PTPN4: variants seen among roughly 807,000 people sequenced by gnomAD.
PTPN4 encodes the protein tyrosine-protein phosphatase non-receptor type 4.
In PTPN4, 49 loss-of-function variants were observed where a neutral mutation model predicts 135.5. That is an observed-to-expected ratio of 0.36 (90% CI 0.29 to 0.46). PTPN4 has a LOEUF of 0.46. Among genes scored for constraint, PTPN4 ranks in the 20% least tolerant of loss-of-function variants. The pLI, the probability that PTPN4 is intolerant of heterozygous loss-of-function variation, is 1.00. For missense variants in PTPN4, 860 were observed against 1,101.0 expected, an observed-to-expected ratio of 0.78 and a Z score of 3.10; for synonymous variants, 333 against 369.9, an observed-to-expected ratio of 0.90 and a Z score of 1.14.
At chr2:119,890,069 A>T (rs1004214520) in intron 9 of PTPN4, among the ~76,000 whole-genome samples, 2 of 151,636 alleles carry the variant, frequency 1.3e-5, no homozygotes, top group Non-Finnish European at 2.9e-5. Flanking sequence ...ATGTTTCTTT[A>T]TTTTTTTTCT....
chr2:119,877,352 G>A lies in PTPN4; in HGVS notation c.276G>A (p.Arg92=), dbSNP rs780727583. Residue 92 remains arginine, a synonymous_variant, in exon 4 of 27, where the codon AGG becomes AGA. Coordinates refer to ENST00000263708, the MANE Select transcript of PTPN4 (RefSeq NM_002830.4). ...GGCTGGATCCAAACAAACCAATAAG[G>A]AAGCAGCTAAAGAGTGAGCATACAT... ...PRWLDPNKPI[R]KQLKRGSPYS... 6 of 1,611,594 alleles carry A rather than the reference G, an allele frequency of 3.7e-6. No individual in the cohort carries two copies. Among genetic ancestry groups the A allele is most frequent in the Non-Finnish European group, 4.2e-6 (5 of 1,179,336 alleles).
Position 119,882,081 on chromosome 2 carries a change from TG to T in PTPN4, c.414-15del. 1 of 1,591,098 alleles carries T rather than the reference TG, an allele frequency of 6.3e-7. No individual in the cohort carries two copies. Among genetic ancestry groups the T allele is most frequent in the Non-Finnish European group, 8.6e-7 (1 of 1,159,418 alleles). On this transcript the variant is annotated splice_polypyrimidine_tract_variant and intron_variant, in intron 6 of 26. Transcript: ENST00000263708. ...TGTTTAACCTTCGGTTGTGTATTTTTGTTTTGTTTTATTAGATTACCCTGTC... is the reference window on the plus strand; with the variant it reads ...TGTTTAACCTTCGGTTGTGTATTTTTTTTTGTTTTATTAGATTACCCTGTC...
chr2:119,947,005 A>G (rs879866390), intron 18 of PTPN4, among the ~76,000 whole-genome samples: 11 of 152,176 alleles, frequency 7.2e-5, no homozygotes, highest in Admixed American at 2.0e-4. Flanking sequence ...ACTTTTTATT[A>G]TGAACATTCT....
chr2:119,933,697 A>G (rs906150495), intron 14 of PTPN4, among the ~76,000 whole-genome samples: 1 of 151,760 alleles, frequency 6.6e-6, no homozygotes, highest in Non-Finnish European at 1.5e-5. Flanking sequence ...CAGCTAGAGC[A>G]TTGAAGGCTA....
At position 119,885,829 on chromosome 2, in the gene PTPN4, C is replaced by T. The variant is rs764053345; in HGVS notation, c.622C>T (p.Leu208=). Residue 208 remains leucine, a synonymous_variant, in exon 9 of 27, where the codon CTA becomes TTA. Coordinates refer to ENST00000263708, the MANE Select transcript of PTPN4 (RefSeq NM_002830.4). ...LSPAEAEFNY[L]NTARTLELYG... ...TCCTGCAGAAGCAGAATTTAATTAC[C>T]TAAACACAGCACGTACCTTAGAACT... The T allele has an allele frequency of 6.2e-7, 1 of 1,603,912 alleles. No individual in the cohort carries two copies. The highest frequency in any genetic ancestry group is 2.3e-5 in the East Asian group (1 of 44,422).
chr2:119,942,240 C>G (rs1679070921), intron 15 of PTPN4, among the ~76,000 whole-genome samples: 1 of 152,110 alleles, frequency 6.6e-6, no homozygotes, highest in African/African-American at 2.4e-5. Context: ...GCAAAATGTA[C>G]CATAGAATCA....
At chr2:119,847,448 C>G (rs1333104152) in intron 2 of PTPN4, among the ~76,000 whole-genome samples, 1 of 151,560 alleles carries the variant, frequency 6.6e-6, no homozygotes, top group African/African-American at 2.4e-5. Context: ...CTGCCTCAGC[C>G]TCCTGAGTAG....
At chr2:119,790,797 T>A (rs1349701725) in intron 1 of PTPN4, among the ~76,000 whole-genome samples, 1 of 152,204 alleles carries the variant, frequency 6.6e-6, no homozygotes, top group Non-Finnish European at 1.5e-5. Context: ...TTGATATTTT[T>A]AAATTTGTCA....
chr2:119,880,809 A>G (rs1376832924), intron 5 of PTPN4, among the ~76,000 whole-genome samples: 1 of 152,100 alleles, frequency 6.6e-6, no homozygotes, highest in Admixed American at 6.5e-5. Context: ...ACAAGAAGTT[A>G]TATATGAAGC....
intron 25 of PTPN4, 28 bp from the exon 26 acceptor site, chr2:119,967,809 A>C: frequency 6.5e-7 from 1 of 1,549,396 alleles, no homozygotes; most frequent in Non-Finnish European, 8.8e-7. Context: ...AGTATCGGTA[A>C]GATCTTGCCT....
intron 23 of PTPN4, 67 bp downstream of exon 23, chr2:119,961,020 A>T: frequency 7.0e-7 from 1 of 1,435,458 alleles, no homozygotes; most frequent in South Asian, 1.5e-5. Flanking sequence ...ATATGTAGTC[A>T]AAATATTCAT....
At position 119,983,305 on chromosome 2, in the gene PTPN4, A is replaced by C. The variant is rs532120962; in HGVS notation, c.*6235A>C. 6.6e-6 allele frequency: 1 copy of C among 152,376 alleles called. No individual in the cohort carries two copies. The highest frequency in any genetic ancestry group is 2.4e-5 in the African/African-American group (1 of 41,602). The allele number at this position is 152,376 out of a possible 1,614,324, so 9.4% of individuals were successfully genotyped here. On this transcript the variant is annotated 3_prime_UTR_variant, in exon 27 of 27. Coordinates refer to ENST00000263708, the MANE Select transcript of PTPN4 (RefSeq NM_002830.4). ...CCCGCTCACACCCTTAGACCCAAAC[A>C]GGTGCTGGTTCATGCTTTCTCCACA...
At chr2:119,793,658 A>G (rs1013975168) in intron 1 of PTPN4, among the ~76,000 whole-genome samples, 8 of 152,138 alleles carry the variant, frequency 5.3e-5, no homozygotes, top group South Asian at 2.1e-4. Context: ...GTAAGAAATT[A>G]TAAAAGTATT....
chr2:119,968,201 A>G (rs1326687046), intron 26 of PTPN4, among the ~76,000 whole-genome samples: 2 of 152,162 alleles, frequency 1.3e-5, no homozygotes, highest in African/African-American at 4.8e-5. Context: ...TCATTTATCT[A>G]TGCCTGCTTT....
At chr2:119,811,531 G>A in intron 2 of PTPN4, among the ~76,000 whole-genome samples, 1 of 152,160 alleles carries the variant, frequency 6.6e-6, no homozygotes, top group Non-Finnish European at 1.5e-5. Flanking sequence ...AACATAAAGT[G>A]AAGAGAATTC....
chr2:119,965,352 C>G, intron 24 of PTPN4, 145 bp from the exon 25 acceptor site: 2 of 750,296 alleles, frequency 2.7e-6, no homozygotes, highest in South Asian at 2.1e-5. Flanking sequence ...GAGCAGCTGA[C>G]CTAGTGATCA....
chr2:119,892,817 G>A (rs758909777), intron 9 of PTPN4, among the ~76,000 whole-genome samples: 5 of 151,672 alleles, frequency 3.3e-5, no homozygotes, highest in Non-Finnish European at 5.9e-5. Flanking sequence ...GGTCTCTTGG[G>A]TCCAAGTGAT....
At position 119,977,088 on chromosome 2, in the gene PTPN4, G is replaced by A; in HGVS notation, c.*18G>A. ...ATAAATAAGAAAGCAAAAAGATCTG[G>A]GATATGTGTTGGAAAACTGCTTTCC... On this transcript the variant is annotated 3_prime_UTR_variant, in exon 27 of 27. Transcript: ENST00000263708. 20 of 1,581,370 alleles carry A rather than the reference G, an allele frequency of 1.3e-5. No individual in the cohort carries two copies. Among genetic ancestry groups the A allele is most frequent in the Non-Finnish European group, 1.7e-5 (20 of 1,169,512 alleles).
chr2:119,955,337 T>G lies in PTPN4; in HGVS notation c.1980+14T>G. On this transcript the variant is annotated intron_variant, in intron 20 of 26. Coordinates refer to ENST00000263708, the MANE Select transcript of PTPN4 (RefSeq NM_002830.4). The stretch of plus-strand genomic sequence containing the variant: ...ACACAGTTTGATGTAAGTAATATCA[T>G]TATATATTAAAAGCATTTTGCTGAT... 1.9e-6 allele frequency: 3 copies of G among 1,542,438 alleles called. No homozygotes were observed. Among genetic ancestry groups the G allele is most frequent in the Non-Finnish European group, 2.6e-6 (3 of 1,145,350 alleles).
Sources: allele counts gnomAD v4.1 joint callset (sites outside exome capture counted in the v4.1 genomes callset), GRCh38; gene constraint gnomAD v4.1.1; transcripts MANE v1.5; gene names NCBI Gene and HGNC (gene_info 2026-07-23, HGNC 2026-07-21).